Variants in MGAT4C observed in about 807,000 individuals in gnomAD.
MGAT4C encodes the protein MGAT4 family member C.
MGAT4C carries 19 observed loss-of-function variants against 40.1 expected under a neutral mutation model. The ratio of observed to expected loss-of-function variants is 0.47; its 90% CI spans 0.33 to 0.70. The LOEUF (loss-of-function observed/expected upper bound fraction) is 0.70, where lower values mean the gene tolerates loss of function less well. MGAT4C is among the 30% of genes least tolerant of loss of function. The pLI is 0.02. For missense variants in MGAT4C, 491 were observed against 563.2 expected (o/e 0.87, Z 1.30); for synonymous variants, 181 against 187.1 (o/e 0.97, Z 0.27).
chr12:86,342,444 T>C (rs939756994), intron 3 of MGAT4C, among the ~76,000 whole-genome samples: 3 of 152,100 alleles, frequency 2.0e-5, no homozygotes, highest in African/African-American at 4.8e-5. Context: ...CCACTGCCTA[T>C]GCAGTGGAAC....
At chr12:86,292,070 G>A (rs913075387) in intron 4 of MGAT4C, among the ~76,000 whole-genome samples, 1 of 152,098 alleles carries the variant, frequency 6.6e-6, no homozygotes, top group Non-Finnish European at 1.5e-5. Flanking sequence ...GATAAAGACA[G>A]AGACATTTGA....
chr12:86,285,105 A>G (rs756731810), intron 4 of MGAT4C, among the ~76,000 whole-genome samples: 4 of 152,012 alleles, frequency 2.6e-5, no homozygotes, highest in Non-Finnish European at 5.9e-5. Flanking sequence ...ACACATTTAA[A>G]TCTTAATTGA....
At chr12:86,531,658 G>T (rs375607711) in intron 2 of MGAT4C, among the ~76,000 whole-genome samples, 1 of 151,842 alleles carries the variant, frequency 6.6e-6, no homozygotes, top group African/African-American at 2.4e-5. Flanking sequence ...CACAACACAT[G>T]ATTTGTAGAC....
At position 86,657,751 on chromosome 12, in the gene MGAT4C, A is replaced by T. The variant is rs565994075; in HGVS notation, c.-229+69458T>A. Among the ~76,000 whole-genome samples the T allele has an allele frequency of 7.9e-5, 12 of 152,068 alleles. No individual in the cohort carries two copies. In the South Asian group the frequency reaches 1.9e-3, roughly 24 times the overall value. ...GATTTTATTAAAAATGTGGCTGAAA[A>T]GCATAAATCTTAGAAGCATTCTAAT... is the stretch of plus-strand genomic sequence containing the variant. On this transcript the variant is annotated intron_variant, in intron 2 of 7. Transcript: ENST00000548651.
At chr12:85,981,632 G>C (rs890711023) in intron 4 of MGAT4C, among the ~76,000 whole-genome samples, 1 of 152,074 alleles carries the variant, frequency 6.6e-6, no homozygotes, top group Non-Finnish European at 1.5e-5. Context: ...AGGAGTTTGG[G>C]CATTTTATCT....
chr12:86,591,438 TAC>T (rs1267784497), intron 2 of MGAT4C, among the ~76,000 whole-genome samples: 1 of 151,992 alleles, frequency 6.6e-6, no homozygotes, highest in Non-Finnish European at 1.5e-5. Flanking sequence ...TTGAATAAAA[TAC>T]ATTTTAGTTT....
At chr12:86,536,177 T>C (rs1426930969) in intron 2 of MGAT4C, among the ~76,000 whole-genome samples, 2 of 152,080 alleles carry the variant, frequency 1.3e-5, no homozygotes, top group Non-Finnish European at 2.9e-5. Flanking sequence ...TATTATAACC[T>C]CATCACTGTC....
In MGAT4C at chr12:86,096,197, T is replaced by A. The variant is rs189547336; in HGVS notation, c.-56-46474A>T. ...CATCATTTTTGCCTTAATGCCTTTT[T>A]AAAAATTCTCTTAAGTTCAGTAGTC... is the stretch of plus-strand genomic sequence containing the variant. On this transcript the variant is annotated intron_variant, in intron 1 of 4. Transcript: ENST00000611864. 1.9e-3 allele frequency among the ~76,000 whole-genome samples: 294 copies of A among 151,972 alleles called. 2 individuals are homozygous for A. Among genetic ancestry groups the A allele is most frequent in the Non-Finnish European group, 1.2e-3 (83 of 67,762 alleles).
chr12:86,659,608 G>T (rs1963931858), intron 2 of MGAT4C, among the ~76,000 whole-genome samples: 1 of 152,020 alleles, frequency 6.6e-6, no homozygotes, highest in Admixed American at 6.6e-5. Flanking sequence ...AATAACAAAT[G>T]TAAGAAGCAG....
intron 3 of MGAT4C, among the ~76,000 whole-genome samples, chr12:86,393,126 A>G (rs1592783272): frequency 6.6e-6 from 1 of 152,280 alleles, no homozygotes; most frequent in East Asian, 1.9e-4. Flanking sequence ...ATACTTATTT[A>G]ACTTTGGATT....
At chr12:86,200,290 T>C (rs966756867) in intron 1 of MGAT4C, among the ~76,000 whole-genome samples, 1 of 152,056 alleles carries the variant, frequency 6.6e-6, no homozygotes, top group African/African-American at 2.4e-5. Context: ...ATTCTATTAA[T>C]GAACACTTGG....
At chr12:86,640,589 A>T (rs148641846) in intron 2 of MGAT4C, among the ~76,000 whole-genome samples, 9 of 151,720 alleles carry the variant, frequency 5.9e-5, no homozygotes, top group African/African-American at 2.2e-4. Context: ...GGGTTTTTTG[A>T]GTCTCTATTT....
chr12:86,264,636 G>T (rs1419367048), intron 4 of MGAT4C, among the ~76,000 whole-genome samples: 1 of 152,202 alleles, frequency 6.6e-6, no homozygotes, highest in African/African-American at 2.4e-5. Context: ...GCTCTTGGGG[G>T]CCAGGGACAG....
At chr12:86,042,282 T>A (rs1195385332) in intron 2 of MGAT4C, among the ~76,000 whole-genome samples, 1 of 152,246 alleles carries the variant, frequency 6.6e-6, no homozygotes, top group Non-Finnish European at 1.5e-5. Flanking sequence ...TTTGTGCCTT[T>A]TAATTCAGGC....
intron 1 of MGAT4C, among the ~76,000 whole-genome samples, chr12:86,731,886 T>G (rs771472210): frequency 3.3e-5 from 5 of 152,092 alleles, no homozygotes; most frequent in Non-Finnish European, 7.4e-5. Context: ...GCTAGAAGCA[T>G]TACTTTTTTC....
intron 2 of MGAT4C, among the ~76,000 whole-genome samples, chr12:86,467,328 A>G (rs1238038432): frequency 6.6e-6 from 1 of 152,176 alleles, no homozygotes. Flanking sequence ...GCAAAACGAC[A>G]ACAAATTAAA....
intron 1 of MGAT4C, among the ~76,000 whole-genome samples, chr12:86,228,043 C>T (rs912230885): frequency 6.6e-6 from 1 of 151,690 alleles, no homozygotes; most frequent in African/African-American, 2.4e-5. Flanking sequence ...ATAGCTTATT[C>T]ACTTCAATAT....
chr12:86,263,827 A>C (rs1312599309), intron 4 of MGAT4C, among the ~76,000 whole-genome samples: 1 of 152,090 alleles, frequency 6.6e-6, no homozygotes, highest in Non-Finnish European at 1.5e-5. Flanking sequence ...CTAAATTCTC[A>C]CTAAAATCTG....
In MGAT4C at chr12:86,248,194, TCTTCCTTCCTTCCTTCCTTCCTTC is replaced by T. The variant is rs71076174; in HGVS notation, c.-57+8021_-57+8044del. 7.3e-3 allele frequency among the ~76,000 whole-genome samples: 1,019 copies of T among 140,418 alleles called. 16 individuals carry two copies. Among genetic ancestry groups the T allele is most frequent in the African/African-American group, 0.026 (965 of 37,320 alleles). 92.1% of individuals were successfully genotyped at this position (140,418 alleles called of 152,430 possible). A position where few individuals can be genotyped will look rare whatever the true frequency, so the allele number is the denominator to read the frequency against. ...GTACACAAAGAAAGAACCTAGTTTC[TCTTCCTTCCTTCCTTCCTTCCTTC>T]CTTCCTTCCTTCCTTCCTTCCTTCC... On this transcript the variant is annotated intron_variant, in intron 1 of 4. Transcript: ENST00000611864.
Sources: gnomAD v4.1 joint callset for allele counts (sites outside exome capture counted in the v4.1 genomes callset) on GRCh38, gnomAD v4.1.1 for gene constraint, MANE v1.5 for transcripts, NCBI Gene and HGNC (gene_info 2026-07-23, HGNC 2026-07-21) for gene names.